Variants in FRMD6 observed in about 807,000 individuals in gnomAD.
FRMD6 encodes FERM domain containing 6, also known as FERM domain-containing protein 6.
In FRMD6, 37 loss-of-function variants were observed where a neutral mutation model predicts 73.2. That is an observed-to-expected ratio of 0.51 (90% CI 0.39 to 0.66). The LOEUF (loss-of-function observed/expected upper bound fraction) is 0.66. Among genes scored for constraint, FRMD6 ranks in the 30% least tolerant of loss-of-function variants. FRMD6 has a pLI of 0.00. For missense variants in FRMD6, 714 were observed against 780.5 expected (o/e 0.91, Z 1.02); for synonymous variants, 273 against 282.2 (o/e 0.97, Z 0.33).
intron 1 of FRMD6, among the ~76,000 whole-genome samples, chr14:51,509,492 A>T (rs941788145): frequency 6.6e-6 from 1 of 151,894 alleles, no homozygotes; most frequent in African/African-American, 2.4e-5. Flanking sequence ...GCGCCACTAC[A>T]CTCCAGCCTG....
chr14:51,455,951 T>C, the FRMD6 span, among the ~76,000 whole-genome samples: 1 of 152,158 alleles, frequency 6.6e-6, no homozygotes, highest in Admixed American at 6.5e-5. Context: ...GGAGAAGGTC[T>C]TGGACCTGTG....
intron 1 of FRMD6, among the ~76,000 whole-genome samples, chr14:51,673,102 G>A (rs959690920): frequency 7.9e-5 from 12 of 152,054 alleles, no homozygotes; most frequent in African/African-American, 2.9e-4. Context: ...GCTTTACTTG[G>A]CCTACTGAGG....
At chr14:51,521,953 C>T (rs930197371) in intron 1 of FRMD6, among the ~76,000 whole-genome samples, 1 of 152,014 alleles carries the variant, frequency 6.6e-6, no homozygotes, top group Non-Finnish European at 1.5e-5. Context: ...TTTATGTAAC[C>T]CTTTCTCAGA....
At chr14:51,516,333 C>T (rs1016528774) in intron 1 of FRMD6, among the ~76,000 whole-genome samples, 49 of 152,116 alleles carry the variant, frequency 3.2e-4, no homozygotes, top group Admixed American at 8.5e-4. Context: ...CGGGTCCATC[C>T]GATTAGAGAC....
chr14:51,641,016 G>T lies in FRMD6; in HGVS notation c.-146-48675G>T, dbSNP rs374718022. The stretch of plus-strand genomic sequence containing the variant: ...GACAGAGTCTTGCTCTGTCACCCAG[G>T]CTGGAGTACAGTGGCACGATCTCAG... On this transcript the variant is annotated intron_variant, in intron 2 of 14. Coordinates refer to the FRMD6 transcript ENST00000356218. Among the ~76,000 whole-genome samples the T allele has an allele frequency of 2.9e-4, 44 of 151,732 alleles. 1 individual carries two copies. In the East Asian group the frequency reaches 7.1e-3, roughly 25 times the overall value.
chr14:51,610,642 A>G (rs1402720946), intron 2 of FRMD6, among the ~76,000 whole-genome samples: 1 of 123,458 alleles, frequency 8.1e-6, no homozygotes, highest in Non-Finnish European at 2.0e-5. Context: ...CTAGGGTTCC[A>G]TCATAAAATT....
intron 1 of FRMD6, among the ~76,000 whole-genome samples, chr14:51,501,967 A>G (rs1008541415): frequency 6.6e-6 from 1 of 152,176 alleles, no homozygotes; most frequent in Admixed American, 6.5e-5. Context: ...GCATTTCTCA[A>G]ATGCTCAGTG....
At chr14:51,711,894 G>A (rs1010660674) in intron 8 of FRMD6, among the ~76,000 whole-genome samples, 6 of 152,194 alleles carry the variant, frequency 3.9e-5, no homozygotes, top group East Asian at 1.9e-4. Context: ...ATATCCAAAC[G>A]TTTCTGTGTG....
the FRMD6 span, among the ~76,000 whole-genome samples, chr14:51,464,928 A>G: frequency 6.6e-6 from 1 of 152,216 alleles, no homozygotes; most frequent in Non-Finnish European, 1.5e-5. Context: ...GCCCTCCAGC[A>G]TTAAAAACTG....
At chr14:51,555,799 ACTC>A (rs1887095592) in intron 1 of FRMD6, among the ~76,000 whole-genome samples, 1 of 148,056 alleles carries the variant, frequency 6.8e-6, no homozygotes. Context: ...CAAAATTCTG[ACTC>A]AAAAAAAAAA....
intron 1 of FRMD6, among the ~76,000 whole-genome samples, chr14:51,506,358 C>A (rs1039698084): frequency 3.3e-5 from 5 of 152,180 alleles, no homozygotes; most frequent in Non-Finnish European, 7.3e-5. Flanking sequence ...CAAGTGTCTG[C>A]ACACAGGAAG....
chr14:51,510,157 T>C (rs1399847126), intron 1 of FRMD6, among the ~76,000 whole-genome samples: 1 of 152,226 alleles, frequency 6.6e-6, no homozygotes, highest in Non-Finnish European at 1.5e-5. Flanking sequence ...TGCACTAATA[T>C]TTATGGAGTG....
the FRMD6 span, among the ~76,000 whole-genome samples, chr14:51,442,317 C>T: frequency 6.6e-6 from 1 of 151,662 alleles, no homozygotes; most frequent in African/African-American, 2.4e-5. Context: ...TCTTTCTCTT[C>T]TCTCCTTTCC....
the FRMD6 span, among the ~76,000 whole-genome samples, chr14:51,482,859 C>G: frequency 3.3e-5 from 5 of 152,046 alleles, no homozygotes; most frequent in Non-Finnish European, 5.9e-5. Context: ...CACCACCACA[C>G]CTGGCGAATT....
intron 1 of FRMD6, among the ~76,000 whole-genome samples, chr14:51,549,595 C>CTTTTTTTTTTTT (rs35356416): frequency 2.0e-4 from 20 of 98,008 alleles, no homozygotes; most frequent in African/African-American, 6.6e-4. Context: ...TTTTTTCTTT[C>CTTTTTTTTTTTT]TTTTTTTTTT....
intron 2 of FRMD6, among the ~76,000 whole-genome samples, chr14:51,607,918 C>G (rs1890330900): frequency 6.6e-6 from 1 of 152,212 alleles, no homozygotes; most frequent in African/African-American, 2.4e-5. Flanking sequence ...ACTTGCTTTG[C>G]AGTGTGTCTG....
At chr14:51,597,130 C>T (rs530572293) in intron 2 of FRMD6, among the ~76,000 whole-genome samples, 3 of 152,300 alleles carry the variant, frequency 2.0e-5, no homozygotes, top group East Asian at 3.9e-4. Context: ...AATACAGCAA[C>T]AGACATTATC....
At chr14:51,667,267 A>T (rs954633909) in intron 1 of FRMD6, among the ~76,000 whole-genome samples, 3 of 152,232 alleles carry the variant, frequency 2.0e-5, no homozygotes, top group African/African-American at 7.2e-5. Flanking sequence ...GGATATAAAA[A>T]ATAAACTTAG....
chr14:51,448,505 G>A, the FRMD6 span, among the ~76,000 whole-genome samples: 4 of 152,204 alleles, frequency 2.6e-5, no homozygotes, highest in Non-Finnish European at 5.9e-5. Context: ...GAATTTGTTG[G>A]CATGTCTGAG....
Sources: gnomAD v4.1 joint callset for allele counts (sites outside exome capture counted in the v4.1 genomes callset) on GRCh38, gnomAD v4.1.1 for gene constraint, MANE v1.5 for transcripts, NCBI Gene and HGNC (gene_info 2026-07-23, HGNC 2026-07-21) for gene names.